GRM8: variants seen among roughly 807,000 people sequenced by gnomAD.
GRM8 encodes the protein metabotropic glutamate receptor 8.
Under a neutral mutation model 87.2 loss-of-function variants are expected in GRM8, and 47 were observed. That is an observed-to-expected ratio of 0.54 (90% CI 0.43 to 0.69). The LOEUF (loss-of-function observed/expected upper bound fraction) is 0.69, where lower values mean the gene tolerates loss of function less well. GRM8 is among the 30% of genes least tolerant of loss of function. The pLI, the probability that GRM8 is intolerant of heterozygous loss-of-function variation, is 0.00. For synonymous variants in GRM8, 396 were observed against 404.5 expected, an observed-to-expected ratio of 0.98 and a Z score of 0.25; for missense variants, 1,019 against 1,139.2, an observed-to-expected ratio of 0.89 and a Z score of 1.52.
chr7:126,623,830 C>T (rs1255171260), intron 7 of GRM8, among the ~76,000 whole-genome samples: 1 of 152,194 alleles, frequency 6.6e-6, no homozygotes, highest in Admixed American at 6.5e-5. Context: ...GTAATTCCAG[C>T]CACTTAAGAG....
At position 126,936,685 on chromosome 7, in the gene GRM8, C is replaced by G. The variant is rs192886389; in HGVS notation, c.728-32002G>C. Among the ~76,000 whole-genome samples, 422 of 152,250 alleles carry G rather than the reference C, an allele frequency of 2.8e-3. 1 individual carries two copies. The highest frequency in any genetic ancestry group is 9.8e-3 in the African/African-American group (408 of 41,540). On this transcript the variant is annotated intron_variant, in intron 3 of 10. Coordinates refer to ENST00000339582, the MANE Select transcript of GRM8 (RefSeq NM_000845.3). ...CCCTCCACTTTCTCTCCCACTTGCC[C>G]CTTCCTGCAGACTGGAATGTGAGCA...
Position 127,222,760 on chromosome 7 carries a change from A to T in GRM8, c.510+19935T>A, listed in dbSNP as rs577906111. On this transcript the variant is annotated intron_variant, in intron 2 of 10. Coordinates refer to ENST00000339582, the MANE Select transcript of GRM8 (RefSeq NM_000845.3). ...CTAATCCTTGCAACAGGTGGGGACA[A>T]TACTGGTCAGAGAAGTTAAATAACT... 2.0e-5 allele frequency among the ~76,000 whole-genome samples: 3 copies of T among 152,306 alleles called. No individual in the cohort carries two copies. The East Asian group carries it at 5.8e-4, about 29-fold the overall frequency.
chr7:126,722,939 G>A (rs1022775754), intron 7 of GRM8, among the ~76,000 whole-genome samples: 2 of 95,210 alleles, frequency 2.1e-5, no homozygotes, highest in Non-Finnish European at 4.1e-5. Flanking sequence ...TAATATATAT[G>A]TTATAGATAA....
intron 2 of GRM8, among the ~76,000 whole-genome samples, chr7:127,210,646 C>G (rs1256832509): frequency 6.6e-6 from 1 of 152,140 alleles, no homozygotes; most frequent in Non-Finnish European, 1.5e-5. Context: ...CAGTGACTTT[C>G]CCTAGTCACA....
At chr7:126,950,046 G>T (rs1453656355) in intron 3 of GRM8, among the ~76,000 whole-genome samples, 1 of 152,136 alleles carries the variant, frequency 6.6e-6, no homozygotes, top group Admixed American at 6.5e-5. Context: ...GGCCTGAAAA[G>T]CAATGGCTCG....
At chr7:126,756,044 CAAT>C (rs766165038) in intron 7 of GRM8, among the ~76,000 whole-genome samples, 207 of 151,938 alleles carry the variant, frequency 1.4e-3, no homozygotes, top group African/African-American at 3.2e-3. Flanking sequence ...ATAACAACAA[CAAT>C]GATACATACA....
chr7:126,439,587 TA>T (rs1325409702), intron 10 of GRM8, among the ~76,000 whole-genome samples: 1 of 152,196 alleles, frequency 6.6e-6, no homozygotes, highest in Non-Finnish European at 1.5e-5. Context: ...CTGGTTTAAA[TA>T]TTTACTACAC....
At chr7:127,015,055 GA>G (rs1563413235) in intron 3 of GRM8, among the ~76,000 whole-genome samples, 5 of 113,150 alleles carry the variant, frequency 4.4e-5, no homozygotes, top group African/African-American at 1.2e-4. Context: ...AGAAGAAGAA[GA>G]AGAAGAAGAA....
intron 8 of GRM8, among the ~76,000 whole-genome samples, chr7:126,552,599 A>G (rs1456437821): frequency 1.3e-5 from 2 of 152,128 alleles, no homozygotes; most frequent in Non-Finnish European, 2.9e-5. Flanking sequence ...TATCCAGTTA[A>G]CCTAACTCTG....
intron 3 of GRM8, among the ~76,000 whole-genome samples, chr7:126,941,159 T>C (rs1399712703): frequency 6.6e-6 from 1 of 152,144 alleles, no homozygotes; most frequent in Non-Finnish European, 1.5e-5. Context: ...GCTTTGGCCA[T>C]GTGCTTAGGA....
At chr7:126,598,782 C>G (rs1008661315) in intron 8 of GRM8, among the ~76,000 whole-genome samples, 3 of 152,118 alleles carry the variant, frequency 2.0e-5, no homozygotes, top group Admixed American at 6.6e-5. Flanking sequence ...GTGAGCATCT[C>G]TCTATTGAAA....
At chr7:126,452,411 T>C (rs1450050754) in intron 9 of GRM8, among the ~76,000 whole-genome samples, 1 of 144,948 alleles carries the variant, frequency 6.9e-6, no homozygotes, top group African/African-American at 2.6e-5. Flanking sequence ...TGTGCACACG[T>C]ACCGTAAAAC....
intron 6 of GRM8, among the ~76,000 whole-genome samples, chr7:126,837,735 A>G (rs1212517147): frequency 6.6e-6 from 1 of 152,226 alleles, no homozygotes; most frequent in Admixed American, 6.5e-5. Flanking sequence ...TTGTGATGCT[A>G]AAAGAATTTA....
chr7:126,875,718 G>T (rs1799474705), intron 6 of GRM8, among the ~76,000 whole-genome samples: 1 of 151,812 alleles, frequency 6.6e-6, no homozygotes, highest in African/African-American at 2.4e-5. Flanking sequence ...CTACCTCTGT[G>T]GTTATTGCCT....
At chr7:126,901,716 C>T (rs886716700) in intron 6 of GRM8, among the ~76,000 whole-genome samples, 77 of 152,222 alleles carry the variant, frequency 5.1e-4, no homozygotes, top group African/African-American at 1.8e-3. Context: ...CTAAAACACA[C>T]ATTCAAGTTG....
chr7:127,088,895 G>T (rs1467360281), intron 3 of GRM8, among the ~76,000 whole-genome samples: 2 of 152,220 alleles, frequency 1.3e-5, no homozygotes, highest in African/African-American at 4.8e-5. Context: ...CACAGTGATT[G>T]CTTGAGTGAT....
intron 3 of GRM8, among the ~76,000 whole-genome samples, chr7:126,945,964 T>C (rs546175608): frequency 6.6e-6 from 1 of 152,256 alleles, no homozygotes; most frequent in African/African-American, 2.4e-5. Context: ...CACATATTTA[T>C]GAACACATAT....
At chr7:126,869,559 T>C (rs1360487765) in intron 6 of GRM8, 1 of 152,224 alleles carries the variant, frequency 6.6e-6, no homozygotes, top group African/African-American at 2.4e-5. Context: ...GAATGGATAC[T>C]GTGTTAGCAG....
In GRM8 at chr7:127,106,533, G is replaced by T. The variant is rs146491203; in HGVS notation, c.690C>A (p.Ser230Arg). 2.5e-6 allele frequency: 4 copies of T among 1,613,686 alleles called. No homozygotes were observed. The Admixed American group carries it at 5.0e-5, about 20-fold the overall frequency. Residue 230 changes from serine to arginine, a missense_variant, in exon 3 of 11, where the codon AGC (serine) becomes AGA (arginine). By Grantham distance (110) the Ser-to-Arg change is moderately radical. Coordinates refer to ENST00000339582, the MANE Select transcript of GRM8 (RefSeq NM_000845.3). The stretch of plus-strand genomic sequence containing the variant: ...AGATCTGGGTGAAGGCCTCCACACC[G>T]CTCTCACCATAGTTCCCCTCAGAAG... ...TLASEGNYGE[S>R]GVEAFTQISR...
Sources: allele counts gnomAD v4.1 joint callset (sites outside exome capture counted in the v4.1 genomes callset), GRCh38; gene constraint gnomAD v4.1.1; transcripts MANE v1.5; gene names NCBI Gene and HGNC (gene_info 2026-07-23, HGNC 2026-07-21).